Variants in CDC42BPA observed in about 807,000 individuals in gnomAD.
The protein encoded by CDC42BPA is CDC42 binding protein kinase alpha.
Under a neutral mutation model 223.5 loss-of-function variants are expected in CDC42BPA, and 80 were observed. The observed-to-expected ratio is 0.36, with a 90% CI of 0.30 to 0.43. The LOEUF is 0.43. CDC42BPA is among the 20% of genes least tolerant of loss of function. The pLI, the probability that CDC42BPA is intolerant of heterozygous loss-of-function variation, is 1.00. For missense variants in CDC42BPA, 1,743 were observed against 2,099.9 expected, an observed-to-expected ratio of 0.83 and a Z score of 3.32; for synonymous variants, 694 against 718.6, an observed-to-expected ratio of 0.97 and a Z score of 0.55.
At position 227,174,590 on chromosome 1, in the gene CDC42BPA, TTACTC is replaced by T. The variant is rs1258127556; in HGVS notation, c.600-13959_600-13955del. ...GCTCTATTTCCTATATCGGTACACT[TTACTC>T]AACCACATTATATAAAATATTATCA... On this transcript the variant is annotated intron_variant, in intron 5 of 36. Coordinates refer to ENST00000366766, the MANE Select transcript of CDC42BPA (RefSeq NM_001394014.1). Among the ~76,000 whole-genome samples the T allele has an allele frequency of 3.9e-5, 6 of 152,252 alleles. No homozygotes were observed. In the East Asian group the frequency reaches 1.2e-3, roughly 29 times the overall value.
intron 2 of CDC42BPA, among the ~76,000 whole-genome samples, chr1:227,236,258 T>TA (rs1400687582): frequency 6.6e-6 from 1 of 152,180 alleles, no homozygotes; most frequent in African/African-American, 2.4e-5. Flanking sequence ...TTGGGGAAAC[T>TA]AATTTGGGAG....
intron 11 of CDC42BPA, among the ~76,000 whole-genome samples, chr1:227,121,957 C>T (rs1484590336): frequency 1.3e-5 from 2 of 151,890 alleles, no homozygotes; most frequent in Non-Finnish European, 2.9e-5. Context: ...CTCGCCACCA[C>T]GTCTGGCTAA....
chr1:227,153,868 G>C (rs938856904), intron 6 of CDC42BPA, among the ~76,000 whole-genome samples: 2 of 151,834 alleles, frequency 1.3e-5, no homozygotes, highest in African/African-American at 4.8e-5. Flanking sequence ...CTGTTCTAGA[G>C]CCAAAATGGG....
intron 9 of CDC42BPA, among the ~76,000 whole-genome samples, chr1:227,140,819 G>A (rs1366362205): frequency 2.0e-5 from 3 of 152,132 alleles, no homozygotes; most frequent in African/African-American, 4.8e-5. Context: ...TTAAGTAGAC[G>A]AGAGGAGAGG....
Position 227,112,324 on chromosome 1 carries a change from C to T in CDC42BPA, c.1989G>A (p.Leu663=). The stretch of plus-strand genomic sequence containing the variant: ...AGTCAAAAGATACCTTCAGTCCCTC[C>T]AATTCATTTTCCAGTTGCTTAGAAT... ...EHYSKQLENE[L]EGLKQKQISY... is the part of the protein sequence containing the mutation. The change falls in exon 14 of 37, where the codon TTG becomes TTA. Residue 663 remains leucine (L), a synonymous_variant. Transcript: ENST00000366766. The T allele has an allele frequency of 2.5e-6, 4 of 1,584,414 alleles. No individual in the cohort carries two copies. The highest frequency in any genetic ancestry group is 2.6e-6 in the Non-Finnish European group (3 of 1,162,396).
intron 3 of CDC42BPA, among the ~76,000 whole-genome samples, chr1:227,201,313 T>C (rs1423303482): frequency 2.6e-5 from 4 of 151,728 alleles, no homozygotes; most frequent in Non-Finnish European, 4.4e-5. Context: ...GCCCAGCTAA[T>C]TTTTTTTATC....
chr1:227,154,857 T>C (rs777957765), intron 6 of CDC42BPA, among the ~76,000 whole-genome samples: 1 of 152,076 alleles, frequency 6.6e-6, no homozygotes, highest in Non-Finnish European at 1.5e-5. Flanking sequence ...ATTGTTCACA[T>C]GTATGTACAT....
intron 1 of CDC42BPA, among the ~76,000 whole-genome samples, chr1:227,259,312 A>G (rs533345538): frequency 2.5e-4 from 38 of 151,228 alleles, no homozygotes; most frequent in South Asian, 1.7e-3. Flanking sequence ...GATTACAAGA[A>G]TTAACATACA....
intron 34 of CDC42BPA, among the ~76,000 whole-genome samples, chr1:227,007,230 C>T (rs530247171): frequency 2.6e-5 from 4 of 152,290 alleles, no homozygotes; most frequent in Non-Finnish European, 5.9e-5. Context: ...TCATAGAATG[C>T]TATAGGCTAC....
chr1:227,155,028 G>C (rs1008485750), intron 6 of CDC42BPA, among the ~76,000 whole-genome samples: 2 of 152,090 alleles, frequency 1.3e-5, no homozygotes, highest in Non-Finnish European at 2.9e-5. Context: ...GTATGGTTTT[G>C]ACCGAGATAT....
chr1:227,115,098 T>C (rs1483967446), intron 12 of CDC42BPA, among the ~76,000 whole-genome samples: 1 of 152,106 alleles, frequency 6.6e-6, no homozygotes, highest in African/African-American at 2.4e-5. Context: ...AACTGTGCAC[T>C]TGAAAATTGT....
At chr1:227,212,366 A>C (rs1302352964) in intron 3 of CDC42BPA, among the ~76,000 whole-genome samples, 2 of 152,132 alleles carry the variant, frequency 1.3e-5, no homozygotes, top group East Asian at 3.9e-4. Flanking sequence ...TTTTCTTACT[A>C]ATCTTACTAA....
At chr1:227,115,144 C>T (rs1339804916) in intron 12 of CDC42BPA, among the ~76,000 whole-genome samples, 1 of 151,808 alleles carries the variant, frequency 6.6e-6, no homozygotes, top group East Asian at 1.9e-4. Flanking sequence ...TATTTTACCA[C>T]AGTTAAAAAC....
chr1:227,196,074 G>C (rs889390302), intron 4 of CDC42BPA, among the ~76,000 whole-genome samples: 22 of 149,610 alleles, frequency 1.5e-4, no homozygotes, highest in African/African-American at 5.5e-4. Context: ...TTACTAAAAA[G>C]ACCATGGCAG....
At chr1:227,159,164 T>C (rs866027598) in intron 6 of CDC42BPA, among the ~76,000 whole-genome samples, 2 of 152,134 alleles carry the variant, frequency 1.3e-5, no homozygotes, top group South Asian at 4.1e-4. Context: ...ACATAATTCT[T>C]TTTAACAAAG....
chr1:227,036,379 T>G (rs1223643679), intron 24 of CDC42BPA, among the ~76,000 whole-genome samples: 1 of 151,584 alleles, frequency 6.6e-6, no homozygotes, highest in South Asian at 2.1e-4. Flanking sequence ...TCCTGAGTAG[T>G]TGGGACTATA....
chr1:227,084,953 A>G (rs1427893591), intron 16 of CDC42BPA, among the ~76,000 whole-genome samples: 2 of 152,162 alleles, frequency 1.3e-5, no homozygotes, highest in Non-Finnish European at 2.9e-5. Context: ...GAATGCACCA[A>G]TAGTAGGGGG....
In CDC42BPA at chr1:227,051,922, A is replaced by G; in HGVS notation, c.2968T>C (p.Ser990Pro). ...TCACTAGATGTGGAAGGAGATGTGG[A>G]CCGTGACTGGATGTGAAACTTGACG... Reference protein sequence around the residue: ...PSVKFHIQSRSTSPSTSSEAE... With the variant: ...PSVKFHIQSRPTSPSTSSEAE... Residue 990 changes from serine (S) to proline (P), a missense_variant, in exon 22 of 37, where the codon TCC becomes CCC. Around this residue, in one of 6 missense-constraint regions of CDC42BPA, gnomAD observed 678 missense variants for 777.5 expected, o/e 0.87. Coordinates refer to ENST00000366766, the MANE Select transcript of CDC42BPA (RefSeq NM_001394014.1). The G allele has an allele frequency of 5.1e-6, 7 of 1,366,520 alleles. No individual in the cohort carries two copies. The highest frequency in any genetic ancestry group is 6.9e-6 in the Non-Finnish European group (7 of 1,021,792). 84.6% of individuals were successfully genotyped at this position (1,366,520 alleles called of 1,614,324 possible). A position where few individuals can be genotyped will look rare whatever the true frequency, so the allele number is the denominator to read the frequency against.
chr1:227,211,414 A>G (rs1673872321), intron 3 of CDC42BPA, among the ~76,000 whole-genome samples: 1 of 152,010 alleles, frequency 6.6e-6, no homozygotes, highest in African/African-American at 2.4e-5. Flanking sequence ...TACCCAAAGG[A>G]AAAAAAATCA....
Sources: allele counts gnomAD v4.1 joint callset (sites outside exome capture counted in the v4.1 genomes callset), GRCh38; gene constraint gnomAD v4.1.1; regional missense constraint gnomAD v4.1.1; transcripts MANE v1.5; gene names NCBI Gene and HGNC (gene_info 2026-07-23, HGNC 2026-07-21).